The following GRAMD1B variants were observed in gnomAD, a reference collection of about 807,000 sequenced individuals.
GRAMD1B encodes protein Aster-B.
In GRAMD1B, 37 loss-of-function variants were observed where a neutral mutation model predicts 99.7. The observed-to-expected ratio is 0.37, with a 90% CI of 0.29 to 0.49. GRAMD1B has a LOEUF of 0.49. GRAMD1B is among the 20% of genes least tolerant of loss of function. The pLI, the probability that GRAMD1B is intolerant of heterozygous loss-of-function variation, is 0.98. For missense variants in GRAMD1B, 888 were observed against 1,009.2 expected (o/e 0.88, Z 1.63); for synonymous variants, 427 against 387.6 (o/e 1.10, Z -1.19).
At chr11:123,406,016 C>CT (rs72167101) in intron 1 of GRAMD1B, among the ~76,000 whole-genome samples, 5,668 of 139,932 alleles carry the variant, frequency 0.041, 139 homozygotes, top group Non-Finnish European at 0.052. Context: ...AACATTATTC[C>CT]TTTTTTTTTT....
intron 2 of GRAMD1B, among the ~76,000 whole-genome samples, chr11:123,515,414 C>T (rs1467708099): frequency 6.6e-6 from 1 of 152,170 alleles, no homozygotes; most frequent in Non-Finnish European, 1.5e-5. Context: ...TGCCAACATG[C>T]CGTTCAAAGG....
Position 123,379,933 on chromosome 11 carries a change from T to C in GRAMD1B, c.-176+21134T>C, listed in dbSNP as rs568995817. On this transcript the variant is annotated intron_variant, in intron 1 of 20. Coordinates refer to the GRAMD1B transcript ENST00000638157. ...GTGGTTTTGATTTGTATTTCCCTGA[T>C]GGCTCATGACGTTCAGTATTTTTAA... Among the ~76,000 whole-genome samples, 8 of 152,384 alleles carry C rather than the reference T, an allele frequency of 5.2e-5. No individual in the cohort carries two copies. The East Asian group carries it at 1.5e-3, about 29-fold the overall frequency.
rs146003141 is a variant in GRAMD1B, at chr11:123,423,136, C to T, written c.-175-57680C>T. Among the ~76,000 whole-genome samples, 137 of 152,158 alleles carry T rather than the reference C, an allele frequency of 9.0e-4. No homozygotes were observed. The Middle Eastern group carries it at 0.017, about 19-fold the overall frequency. ...ATTTGCTAGATTACCAGGTACACCACGAAGCTCCAATTTTCTTAGCAGATA... is the reference window on the plus strand; with the variant it reads ...ATTTGCTAGATTACCAGGTACACCATGAAGCTCCAATTTTCTTAGCAGATA... On this transcript the variant is annotated intron_variant, in intron 1 of 20. Transcript: ENST00000638157.
At chr11:123,544,070 A>G (rs1944816088) in intron 2 of GRAMD1B, among the ~76,000 whole-genome samples, 1 of 152,156 alleles carries the variant, frequency 6.6e-6, no homozygotes, top group Non-Finnish European at 1.5e-5. Flanking sequence ...AATTTTCTTA[A>G]TGAGGGCCTC....
At chr11:123,607,134 T>C (rs1952856536) in intron 11 of GRAMD1B, among the ~76,000 whole-genome samples, 1 of 152,174 alleles carries the variant, frequency 6.6e-6, no homozygotes, top group African/African-American at 2.4e-5. Context: ...AGCTGCTCCC[T>C]GGAAATAATT....
intron 1 of GRAMD1B, among the ~76,000 whole-genome samples, chr11:123,471,783 C>T (rs1445989053): frequency 2.6e-5 from 4 of 151,990 alleles, no homozygotes; most frequent in Non-Finnish European, 5.9e-5. Flanking sequence ...CCTGGTTGCC[C>T]CCCAGAATCA....
At chr11:123,620,549 T>C (rs1954997930) in intron 19 of GRAMD1B, among the ~76,000 whole-genome samples, 1 of 151,922 alleles carries the variant, frequency 6.6e-6, no homozygotes, top group Non-Finnish European at 1.5e-5. Flanking sequence ...TGTTTAGCTT[T>C]GTCACTACAC....
At position 123,600,574 on chromosome 11, in the gene GRAMD1B, CT is replaced by C. The variant is rs1337365386; in HGVS notation, c.1050+27del. On this transcript the variant is annotated intron_variant, in intron 8 of 19. Coordinates refer to ENST00000635736, the MANE Select transcript of GRAMD1B (RefSeq NM_001387025.1). Reference sequence around the variant, plus strand: ...GTAAGTACGGCCGAGTTTGCTTTTACTGTGGGACTGGCTATCTCTAGAGAAG... The same window carrying C: ...GTAAGTACGGCCGAGTTTGCTTTTACGTGGGACTGGCTATCTCTAGAGAAG... 3 of 1,449,324 alleles carry C rather than the reference CT, an allele frequency of 2.1e-6. No homozygotes were observed. In the Admixed American group the frequency reaches 5.1e-5, roughly 25 times the overall value. The allele number at this position is 1,449,324 out of a possible 1,614,324, so 89.8% of individuals were successfully genotyped here.
chr11:123,385,682 C>G (rs1208778812), intron 1 of GRAMD1B, among the ~76,000 whole-genome samples: 1 of 152,148 alleles, frequency 6.6e-6, no homozygotes, highest in African/African-American at 2.4e-5. Flanking sequence ...CTTTATACCC[C>G]TCTTCTCCCC....
chr11:123,502,954 T>C (rs952986921), intron 2 of GRAMD1B, among the ~76,000 whole-genome samples: 2 of 152,192 alleles, frequency 1.3e-5, no homozygotes, highest in Non-Finnish European at 2.9e-5. Context: ...TGTTTGCTCA[T>C]GTGATCCCGT....
At chr11:123,566,973 G>C (rs1302189373) in intron 2 of GRAMD1B, among the ~76,000 whole-genome samples, 2 of 152,170 alleles carry the variant, frequency 1.3e-5, no homozygotes, top group Non-Finnish European at 2.9e-5. Context: ...CTCCTATAAG[G>C]GCAGTGAAAA....
chr11:123,536,908 G>A (rs1208133604), intron 2 of GRAMD1B, among the ~76,000 whole-genome samples: 1 of 152,186 alleles, frequency 6.6e-6, no homozygotes, highest in Admixed American at 6.5e-5. Flanking sequence ...CTTTGGGCAA[G>A]TCACCAATGA....
chr11:123,472,252 AAAAG>A (rs1951053863), intron 1 of GRAMD1B, among the ~76,000 whole-genome samples: 1 of 152,252 alleles, frequency 6.6e-6, no homozygotes, highest in South Asian at 2.1e-4. Context: ...AGAAAAAGAA[AAAAG>A]AAAGAAGTGG....
chr11:123,469,716 T>G (rs80189885), intron 1 of GRAMD1B, among the ~76,000 whole-genome samples: 326 of 151,226 alleles, frequency 2.2e-3, no homozygotes, highest in African/African-American at 7.5e-3. Context: ...CTTTTCTTTC[T>G]TTCTTTCTTT....
At chr11:123,475,976 TATAAG>T (rs112550428) in intron 1 of GRAMD1B, among the ~76,000 whole-genome samples, 13,947 of 152,154 alleles carry the variant, frequency 0.092, 716 homozygotes, top group Middle Eastern at 0.15. Flanking sequence ...AAAAGGCTCA[TATAAG>T]AGAAGAATTG....
In GRAMD1B at chr11:123,510,915, T is replaced by G. The variant is rs1290069879; in HGVS notation, c.452+30022T>G. 6.6e-6 allele frequency among the ~76,000 whole-genome samples: 1 copy of G among 152,136 alleles called. No individual in the cohort carries two copies. Among genetic ancestry groups the G allele is most frequent in the African/African-American group, 2.4e-5 (1 of 41,428 alleles). On this transcript the variant is annotated intron_variant, in intron 2 of 19. Transcript: ENST00000635736. The surrounding 1 kb of genome is among the most constrained non-coding windows in gnomAD (Gnocchi z 4.3). ...AAGCACATGCCCCACCTTGGTGTGC[T>G]TGGAAGTCGGAGTGGGTGGATGAGG...
chr11:123,448,920 T>C (rs1949758978), intron 1 of GRAMD1B, among the ~76,000 whole-genome samples: 1 of 152,122 alleles, frequency 6.6e-6, no homozygotes, highest in Non-Finnish European at 1.5e-5. Context: ...GCCAGAAAGG[T>C]CTTCATAACC....
intron 1 of GRAMD1B, among the ~76,000 whole-genome samples, chr11:123,437,247 C>T (rs959252737): frequency 6.6e-6 from 1 of 152,168 alleles, no homozygotes; most frequent in Admixed American, 6.6e-5. Flanking sequence ...CATTAATACT[C>T]ACATGTCTTT....
intron 2 of GRAMD1B, among the ~76,000 whole-genome samples, chr11:123,483,938 C>T (rs1273915247): frequency 1.3e-5 from 2 of 152,114 alleles, no homozygotes; most frequent in Non-Finnish European, 2.9e-5. Context: ...TTTAGACCGA[C>T]GTATATGGAG....
Sources: allele counts gnomAD v4.1 joint callset (sites outside exome capture counted in the v4.1 genomes callset), GRCh38; gene constraint gnomAD v4.1.1; non-coding constraint Gnocchi (gnomAD v3.1); transcripts MANE v1.5; gene names NCBI Gene and HGNC (gene_info 2026-07-23, HGNC 2026-07-21).